LMNTD1: variants seen among roughly 807,000 people sequenced by gnomAD.
The protein encoded by LMNTD1 is lamin tail domain-containing protein 1.
LMNTD1 carries 35 observed loss-of-function variants against 50.9 expected under a neutral mutation model. That is an observed-to-expected ratio of 0.69 (90% confidence interval 0.53 to 0.91). LMNTD1 has a LOEUF of 0.91. Among genes scored for constraint, LMNTD1 ranks in the 40% least tolerant of loss-of-function variants. The pLI is 0.00. For synonymous variants in LMNTD1, 153 were observed against 161.9 expected (o/e 0.94, Z 0.42); for missense variants, 470 against 475.5 (o/e 0.99, Z 0.11).
intron 8 of LMNTD1, among the ~76,000 whole-genome samples, chr12:25,516,137 CA>C (rs1940748218): frequency 6.6e-6 from 1 of 152,124 alleles, no homozygotes. Context: ...TCATTCATAA[CA>C]TCTGTTTCTT....
In LMNTD1 at chr12:25,479,655, C is replaced by T. The variant is rs138787976; in HGVS notation, c.*23-3195G>A. Reference sequence around the variant, plus strand: ...GGCAATGCTGTGTGGAATACCATGACGGTGGATAAGGCCTTCCAATGAGTC... The same window carrying T: ...GGCAATGCTGTGTGGAATACCATGATGGTGGATAAGGCCTTCCAATGAGTC... On this transcript the variant is annotated intron_variant, in intron 9 of 9. Coordinates refer to ENST00000458174, the MANE Select transcript of LMNTD1 (RefSeq NM_001145728.2). Among the ~76,000 whole-genome samples the T allele has an allele frequency of 1.3e-4, 20 of 152,288 alleles. No individual in the cohort carries two copies. In the East Asian group the frequency reaches 2.3e-3, roughly 18 times the overall value.
At chr12:25,633,764 G>A (rs1162735900) in intron 1 of LMNTD1, among the ~76,000 whole-genome samples, 1 of 151,968 alleles carries the variant, frequency 6.6e-6, no homozygotes, top group Non-Finnish European at 1.5e-5. Flanking sequence ...ACACCTCAAG[G>A]AACTAGAGAA....
intron 1 of LMNTD1, among the ~76,000 whole-genome samples, chr12:25,643,493 T>C (rs1282728087): frequency 1.3e-5 from 2 of 152,234 alleles, no homozygotes; most frequent in Non-Finnish European, 2.9e-5. Context: ...AGGAAGAGAC[T>C]TACATATTCC....
At chr12:25,631,652 C>T (rs971922188) in intron 1 of LMNTD1, among the ~76,000 whole-genome samples, 4 of 152,186 alleles carry the variant, frequency 2.6e-5, no homozygotes, top group Non-Finnish European at 5.9e-5. Context: ...TGAACAACAG[C>T]CTTCAGCCCT....
intron 1 of LMNTD1, among the ~76,000 whole-genome samples, chr12:25,603,667 C>G (rs1029636342): frequency 2.6e-5 from 4 of 151,922 alleles, no homozygotes; most frequent in Admixed American, 6.6e-5. Flanking sequence ...AGAGACGATT[C>G]CTGTCCTCAC....
At chr12:25,581,475 A>C (rs1010103317) in intron 1 of LMNTD1, among the ~76,000 whole-genome samples, 7 of 152,228 alleles carry the variant, frequency 4.6e-5, no homozygotes, top group African/African-American at 1.7e-4. Flanking sequence ...CTAAGACAAG[A>C]AATTGAGCAC....
intron 8 of LMNTD1, among the ~76,000 whole-genome samples, chr12:25,517,767 A>AAGAAAAG (rs1940916919): frequency 6.8e-6 from 1 of 146,964 alleles, no homozygotes. Context: ...TAAGCAGGAA[A>AAGAAAAG]AAAGAAAAAG....
chr12:25,495,338 G>A (rs577154314), intron 9 of LMNTD1, among the ~76,000 whole-genome samples: 111 of 151,144 alleles, frequency 7.3e-4, no homozygotes, highest in Non-Finnish European at 1.4e-3. Flanking sequence ...AGTAGGTAAA[G>A]TTTTGGATTT....
intron 1 of LMNTD1, among the ~76,000 whole-genome samples, chr12:25,619,475 G>A (rs1386673413): frequency 6.6e-6 from 1 of 152,114 alleles, no homozygotes; most frequent in East Asian, 1.9e-4. Flanking sequence ...CAATTTCTAA[G>A]TTTGCCTTTT....
intron 6 of LMNTD1, among the ~76,000 whole-genome samples, chr12:25,522,130 A>C (rs1377476688): frequency 6.6e-6 from 1 of 152,212 alleles, no homozygotes; most frequent in Admixed American, 6.5e-5. Context: ...CAGCTAGGCT[A>C]AGCTTCTAGC....
chr12:25,593,823 C>T (rs1346547844), intron 1 of LMNTD1, among the ~76,000 whole-genome samples: 1 of 147,360 alleles, frequency 6.8e-6, no homozygotes, highest in Non-Finnish European at 1.5e-5. Context: ...AAGAAAGATA[C>T]AAGAAGTGAA....
In LMNTD1 at chr12:25,612,166, T is replaced by G. The variant is rs569290924; in HGVS notation, c.58+36328A>C. 1.2e-4 allele frequency among the ~76,000 whole-genome samples: 18 copies of G among 152,312 alleles called. No individual in the cohort carries two copies. The East Asian group carries it at 3.3e-3, about 28-fold the overall frequency. The stretch of plus-strand genomic sequence containing the variant: ...AATACTGTGGCTTTAGATGGAGAGA[T>G]AGCAAAATTAAATTTTTTTAGATTA... On this transcript the variant is annotated intron_variant, in intron 1 of 7. Coordinates refer to the LMNTD1 transcript ENST00000445693.
At chr12:25,546,200 C>A (rs1013093771) in intron 4 of LMNTD1, among the ~76,000 whole-genome samples, 174 bp downstream of exon 4, 1 of 151,486 alleles carries the variant, frequency 6.6e-6, no homozygotes, top group Non-Finnish European at 1.5e-5. Flanking sequence ...GTTCTTTAGA[C>A]CATTATATCA....
intron 1 of LMNTD1, among the ~76,000 whole-genome samples, chr12:25,572,855 G>A (rs1944852771): frequency 8.2e-6 from 1 of 121,980 alleles, no homozygotes; most frequent in Admixed American, 9.9e-5. Flanking sequence ...GAAAAAAACA[G>A]CTATACTGCT....
rs752818447 is a variant in LMNTD1 at position 25,520,048 on chromosome 12, A to T, written c.826T>A (p.Trp276Arg). ...QAIAWYTPIH[W>R]KQAWEKLDAD... is the part of the protein sequence containing the mutation. ...TCTAATTTTTCCCACGCTTGCTTCC[A>T]GTGGATAGGGGTGTACCACGCAATG... Residue 276 changes from tryptophan (W) to arginine (R), a missense_variant, in exon 7 of 10, where the codon TGG becomes AGG. Transcript: ENST00000458174. 14 of 1,612,168 alleles carry T rather than the reference A, an allele frequency of 8.7e-6. No homozygotes were observed. The highest frequency in any genetic ancestry group is 1.3e-5 in the African/African-American group (1 of 74,728).
intron 8 of LMNTD1, among the ~76,000 whole-genome samples, chr12:25,510,774 G>A (rs114132288): frequency 4.0e-5 from 6 of 151,774 alleles, no homozygotes; most frequent in South Asian, 2.1e-4. Context: ...AAAAATCTTC[G>A]GTGTCTCTTT....
intron 1 of LMNTD1, among the ~76,000 whole-genome samples, chr12:25,604,322 C>T (rs1490627226): frequency 4.6e-5 from 7 of 151,922 alleles, no homozygotes; most frequent in Non-Finnish European, 1.0e-4. Flanking sequence ...TTTTAAAAAT[C>T]ATGGTTCTTT....
In LMNTD1 at chr12:25,526,348, T is replaced by C. The variant is rs962747585; in HGVS notation, c.679-130A>G. ...AATATAATGACTATATCATATACAA[T>C]GTCAAGCTATGCAACACCAAACAGC... On this transcript the variant is annotated intron_variant, in intron 5 of 9. Transcript: ENST00000458174. The C allele has an allele frequency of 2.2e-5, 18 of 832,258 alleles. No homozygotes were observed. The African/African-American group carries it at 3.0e-4, about 14-fold the overall frequency. 51.6% of individuals were successfully genotyped at this position (832,258 alleles called of 1,614,324 possible).
intron 8 of LMNTD1, among the ~76,000 whole-genome samples, chr12:25,507,244 G>A (rs1939865865): frequency 6.6e-6 from 1 of 152,068 alleles, no homozygotes; most frequent in Admixed American, 6.5e-5. Context: ...AATCTCCTAA[G>A]AACAACTAAC....
Sources: gnomAD v4.1 joint callset for allele counts (sites outside exome capture counted in the v4.1 genomes callset) on GRCh38, gnomAD v4.1.1 for gene constraint, MANE v1.5 for transcripts, NCBI Gene and HGNC (gene_info 2026-07-23, HGNC 2026-07-21) for gene names.